PDE6B: variants seen among roughly 807,000 people sequenced by gnomAD.
PDE6B encodes rod cGMP-specific 3',5'-cyclic phosphodiesterase subunit beta.
PDE6B carries 106 observed loss-of-function variants against 109.0 expected under a neutral mutation model. That is an observed-to-expected ratio of 0.97 (90% CI 0.83 to 1.14). The LOEUF (loss-of-function observed/expected upper bound fraction) is 1.14, where lower values mean the gene tolerates loss of function less well. Among genes scored for constraint, PDE6B ranks in the 50% most tolerant of loss-of-function variants. The pLI, the probability that PDE6B is intolerant of heterozygous loss-of-function variation, is 0.00. For synonymous variants in PDE6B, 490 were observed against 471.3 expected (o/e 1.04, Z -0.51); for missense variants, 1,193 against 1,155.6 (o/e 1.03, Z -0.47).
chr4:643,918 CTTT>C (rs57739128), intron 3 of PDE6B, among the ~76,000 whole-genome samples: 10 of 107,740 alleles, frequency 9.3e-5, no homozygotes, highest in African/African-American at 3.5e-4. Context: ...AGTTCAAAAT[CTTT>C]TTTTTTTTTT....
intron 2 of PDE6B, among the ~76,000 whole-genome samples, chr4:635,198 C>T (rs1257007968): frequency 1.5e-3 from 115 of 74,566 alleles, no homozygotes; most frequent in East Asian, 3.0e-3. Context: ...CCTGCCTGCC[C>T]GCCTGCCCGC....
At chr4:639,590 G>A (rs71602489) in intron 3 of PDE6B, among the ~76,000 whole-genome samples, 4,427 of 152,292 alleles carry the variant, frequency 0.029, 64 homozygotes, top group Middle Eastern at 0.041. Context: ...GGCTGCCATC[G>A]GCTTGAGCCA....
chr4:664,290 T>A, intron 17 of PDE6B, 69 bp downstream of exon 17: 1 of 882,588 alleles, frequency 1.1e-6, no homozygotes, highest in Non-Finnish European at 1.9e-6. Context: ...ACCAGCTGGT[T>A]AACCCTGCAG....
In PDE6B at chr4:641,387, C is replaced by T. The variant is rs543296004; in HGVS notation, c.711+5418C>T. Among the ~76,000 whole-genome samples, 3 of 152,314 alleles carry T rather than the reference C, an allele frequency of 2.0e-5. No individual in the cohort carries two copies. In the South Asian group the frequency reaches 6.2e-4, roughly 32 times the overall value. Reference sequence around the variant, plus strand: ...TTGTATGTTAACTTTGTATCCTGGGCAGAGAAGAGGTGAGGGTGAGGCGGT... The same window carrying T: ...TTGTATGTTAACTTTGTATCCTGGGTAGAGAAGAGGTGAGGGTGAGGCGGT... On this transcript the variant is annotated intron_variant, in intron 3 of 21. Coordinates refer to ENST00000496514, the MANE Select transcript of PDE6B (RefSeq NM_000283.4).
chr4:656,863 C>T lies in PDE6B; in HGVS notation c.1108-11C>T, dbSNP rs556100573. On this transcript the variant is annotated splice_polypyrimidine_tract_variant and intron_variant, in intron 8 of 21. Transcript: ENST00000496514. ...CAGGGCGGAGCTCAGCTCTGGACAC[C>T]GCTCCCGCAGGAAGGGGCCCTGGAC... The T allele has an allele frequency of 3.5e-5, 57 of 1,612,330 alleles. 2 individuals carry two copies. Among genetic ancestry groups the T allele is most frequent in the African/African-American group, 2.5e-4 (19 of 75,056 alleles).
chr4:655,153 A>G lies in PDE6B; in HGVS notation c.992+265A>G. On this transcript the variant is annotated intron_variant, in intron 6 of 21. Transcript: ENST00000496514. The stretch of plus-strand genomic sequence containing the variant: ...GTCACTGTGGACATCCAGAGTGGAC[A>G]TACAGGGGACCAGGCAAGCTGTCCA... 7.3e-6 allele frequency: 4 copies of G among 549,478 alleles called. No individual in the cohort carries two copies. The South Asian group carries it at 8.1e-5, about 11-fold the overall frequency. The allele number at this position is 549,478 out of a possible 1,614,324, so 34.0% of individuals were successfully genotyped here.
chr4:656,211 T>G, intron 7 of PDE6B, 34 bp from the exon 8 acceptor site: 1 of 1,501,716 alleles, frequency 6.7e-7, no homozygotes. Flanking sequence ...CTTCCGCTGT[T>G]TTGGATGAAA....
rs1560134130 is a variant in PDE6B, at chr4:663,261, C to T, written c.1920+74C>T. 1 of 879,718 alleles carries T rather than the reference C, an allele frequency of 1.1e-6. No individual in the cohort carries two copies. The highest frequency in any genetic ancestry group is 1.6e-5 in the African/African-American group (1 of 60,998). The allele number at this position is 879,718 out of a possible 1,614,324, so 54.5% of individuals were successfully genotyped here. A position where few individuals can be genotyped will look rare whatever the true frequency, so the allele number is the denominator to read the frequency against. On this transcript the variant is annotated intron_variant, in intron 15 of 21. Transcript: ENST00000496514. This position sits in a 1 kb window ranked among gnomAD's most constrained non-coding sequence, Gnocchi z 4.0. Reference sequence around the variant, plus strand: ...GTCCGCAGGACGGCAGGGCCGTATCCTGCGGAGCAGGGTTCTGATGCAGCG... The same window carrying T: ...GTCCGCAGGACGGCAGGGCCGTATCTTGCGGAGCAGGGTTCTGATGCAGCG...
intron 21 of PDE6B, among the ~76,000 whole-genome samples, chr4:669,290 C>T (rs1441943850): frequency 6.9e-6 from 1 of 145,394 alleles, no homozygotes; most frequent in African/African-American, 2.7e-5. Context: ...GCTGCCACTA[C>T]CCCATGCTAG....
At position 663,275 on chromosome 4, in the gene PDE6B, T is replaced by A; in HGVS notation, c.1920+88T>A. 1.2e-6 allele frequency: 1 copy of A among 822,022 alleles called. No homozygotes were observed. Among genetic ancestry groups the A allele is most frequent in the Non-Finnish European group, 2.2e-6 (1 of 462,776 alleles). 50.9% of individuals were successfully genotyped at this position (822,022 alleles called of 1,614,324 possible). ...AGGGCCGTATCCTGCGGAGCAGGGT[T>A]CTGATGCAGCGGGTGAGCACTGGGT... On this transcript the variant is annotated intron_variant, in intron 15 of 21. Coordinates refer to ENST00000496514, the MANE Select transcript of PDE6B (RefSeq NM_000283.4). This position sits in a 1 kb window ranked among gnomAD's most constrained non-coding sequence, Gnocchi z 4.0.
At position 636,011 on chromosome 4, in the gene PDE6B, G is replaced by T. The variant is rs779673760; in HGVS notation, c.711+42G>T. 3 of 1,171,482 alleles carry T rather than the reference G, an allele frequency of 2.6e-6. No homozygotes were observed. Among genetic ancestry groups the T allele is most frequent in the South Asian group, 2.4e-5 (2 of 82,528 alleles). The allele number at this position is 1,171,482 out of a possible 1,614,324, so 72.6% of individuals were successfully genotyped here. On this transcript the variant is annotated intron_variant, in intron 3 of 21. Coordinates refer to ENST00000496514, the MANE Select transcript of PDE6B (RefSeq NM_000283.4). The surrounding 1 kb of genome is among the most constrained non-coding windows in gnomAD (Gnocchi z 4.5). ...CACAGCTCTGCCCACGAGGGCCAGGGTCCCTCCGCCCATCTCGCTGCCTGC... is the reference window on the plus strand; with the variant it reads ...CACAGCTCTGCCCACGAGGGCCAGGTTCCCTCCGCCCATCTCGCTGCCTGC...
rs1046610779 is a variant in PDE6B, at chr4:629,613, G to A, written c.468+3519G>A. ...CCCCTGCCCCAAAACACCTCATCAC[G>A]GGGTCCTGCACGTCGCCAGCAGTCA... On this transcript the variant is annotated intron_variant, in intron 1 of 21. Transcript: ENST00000496514. 3.3e-5 allele frequency among the ~76,000 whole-genome samples: 5 copies of A among 152,216 alleles called. No homozygotes were observed. The East Asian group carries it at 5.8e-4, about 18-fold the overall frequency.
intron 1 of PDE6B, among the ~76,000 whole-genome samples, chr4:632,708 T>G (rs10007206): frequency 0.13 from 20,164 of 150,822 alleles, 1,473 homozygotes; most frequent in East Asian, 0.2. Flanking sequence ...AGGGTCACGT[T>G]GTGTGGGTCC....
intron 3 of PDE6B, chr4:653,459 G>A (rs1468278589): frequency 1.2e-5 from 8 of 641,692 alleles, no homozygotes; most frequent in South Asian, 6.0e-5. Flanking sequence ...GGCCACAGGC[G>A]GCCTGACGTG....
intron 8 of PDE6B, 147 bp downstream of exon 8, chr4:656,439 G>C (rs1036608394): frequency 1.4e-4 from 100 of 711,374 alleles, no homozygotes; most frequent in Non-Finnish European, 2.2e-4. Flanking sequence ...CAGCACTTTG[G>C]GAGGCTGAGG....
chr4:643,460 T>G (rs965393149), intron 3 of PDE6B, among the ~76,000 whole-genome samples: 3 of 152,236 alleles, frequency 2.0e-5, no homozygotes, highest in Non-Finnish European at 4.4e-5. Context: ...TGCTTCTATT[T>G]TTTGGAAGGG....
intron 11 of PDE6B, 111 bp downstream of exon 11, chr4:659,128 G>C (rs377022744): frequency 1.8e-5 from 14 of 789,354 alleles, no homozygotes; most frequent in African/African-American, 1.0e-4. Context: ...CGGTCATCAG[G>C]GATGTTGGTG....
chr4:652,457 G>T, intron 3 of PDE6B: 1 of 978,980 alleles, frequency 1.0e-6, no homozygotes, highest in Non-Finnish European at 1.2e-6. Flanking sequence ...TTGGTGAAAG[G>T]GTGCAAAGCG....
In PDE6B at chr4:636,721, C is replaced by A. The variant is rs1400741518; in HGVS notation, c.711+752C>A. On this transcript the variant is annotated intron_variant, in intron 3 of 21. Coordinates refer to ENST00000496514, the MANE Select transcript of PDE6B (RefSeq NM_000283.4). This position sits in a 1 kb window ranked among gnomAD's most constrained non-coding sequence, Gnocchi z 4.5. Reference sequence around the variant, plus strand: ...TGCGGATGCTGCCTGGCCCTGGTCACCTGCTGCGAGCCTGCTGAACGTGGC... The same window carrying A: ...TGCGGATGCTGCCTGGCCCTGGTCAACTGCTGCGAGCCTGCTGAACGTGGC... Among the ~76,000 whole-genome samples the A allele has an allele frequency of 6.6e-6, 1 of 152,206 alleles. No individual in the cohort carries two copies. The highest frequency in any genetic ancestry group is 2.4e-5 in the African/African-American group (1 of 41,452).
Sources: allele counts gnomAD v4.1 joint callset (sites outside exome capture counted in the v4.1 genomes callset), GRCh38; gene constraint gnomAD v4.1.1; non-coding constraint Gnocchi (gnomAD v3.1); transcripts MANE v1.5; gene names NCBI Gene and HGNC (gene_info 2026-07-23, HGNC 2026-07-21).